MAP3K21: variants seen among roughly 807,000 people sequenced by gnomAD.
MAP3K21 encodes the protein mitogen-activated protein kinase kinase kinase MLK4.
In MAP3K21, 63 loss-of-function variants were observed where a neutral mutation model predicts 86.1. The observed-to-expected ratio is 0.73, with a 90% CI of 0.60 to 0.90. The LOEUF is 0.90. Among genes scored for constraint, MAP3K21 ranks in the 40% least tolerant of loss-of-function variants. MAP3K21 has a pLI of 0.00. For missense variants in MAP3K21, 1,220 were observed against 1,367.7 expected (o/e 0.89, Z 1.70); for synonymous variants, 558 against 564.8 (o/e 0.99, Z 0.17).
At chr1:233,330,884 A>G (rs1662797899) in intron 1 of MAP3K21, among the ~76,000 whole-genome samples, 1 of 152,228 alleles carries the variant, frequency 6.6e-6, no homozygotes, top group South Asian at 2.1e-4. Context: ...GGGTTAATCC[A>G]TAGGATTTAT....
chr1:233,345,063 A>C lies in MAP3K21; in HGVS notation c.806-1379A>C, dbSNP rs894385600. ...TCTCACACCAGTTAGAAGGGCGACC[A>C]TTAAAAAGTCAGGAAACAACAGATG... On this transcript the variant is annotated intron_variant, in intron 1 of 9. Transcript: ENST00000366624. Among the ~76,000 whole-genome samples, 64 of 152,232 alleles carry C rather than the reference A, an allele frequency of 4.2e-4. 1 individual carries two copies. Among genetic ancestry groups the C allele is most frequent in the Admixed American group, 3.6e-3 (55 of 15,290 alleles).
chr1:233,382,783 C>A lies in MAP3K21; in HGVS notation c.*72C>A. On this transcript the variant is annotated 3_prime_UTR_variant, in exon 10 of 10. Transcript: ENST00000366624. ...TGAACACAATGTATCTACCTTTGAA[C>A]TGTTTCATGCTGCTGTGTTTTCAAA... 2 of 1,291,756 alleles carry A rather than the reference C, an allele frequency of 1.5e-6. No homozygotes were observed. Among genetic ancestry groups the A allele is most frequent in the Admixed American group, 2.1e-5 (1 of 48,086 alleles). The allele number at this position is 1,291,756 out of a possible 1,614,324, so 80.0% of individuals were successfully genotyped here.
intron 1 of MAP3K21, among the ~76,000 whole-genome samples, chr1:233,343,264 A>G (rs1240955005): frequency 6.6e-6 from 1 of 152,234 alleles, no homozygotes; most frequent in Non-Finnish European, 1.5e-5. Flanking sequence ...CTTGCTAAAA[A>G]CACTTTCAAA....
chr1:233,364,900 C>A (rs1328229627), intron 5 of MAP3K21, among the ~76,000 whole-genome samples: 1 of 152,068 alleles, frequency 6.6e-6, no homozygotes, highest in Non-Finnish European at 1.5e-5. Flanking sequence ...CAAGATGGCA[C>A]TACATTATCA....
chr1:233,335,071 G>A (rs1240273088), intron 1 of MAP3K21, among the ~76,000 whole-genome samples: 3 of 150,608 alleles, frequency 2.0e-5, no homozygotes, highest in East Asian at 2.0e-4. Context: ...TAGCTTTACC[G>A]TGTCAGGCTG....
chr1:233,379,060 A>C lies in MAP3K21; in HGVS notation c.2054A>C (p.Glu685Ala). 1 of 1,614,208 alleles carries C rather than the reference A, an allele frequency of 6.2e-7. No individual in the cohort carries two copies. The highest frequency in any genetic ancestry group is 1.1e-5 in the South Asian group (1 of 91,088). Residue 685 changes from glutamate (E) to alanine (A), a missense_variant, in exon 9 of 10, where the codon GAA becomes GCA. Transcript: ENST00000366624. ...GATGCTCAGAGAGAGAATCCTGCAG[A>C]AGCTGAAAGCTGGGAGGAGGCAGCC... ...GKDAQRENPA[E>A]AESWEEAASA...
intron 6 of MAP3K21, chr1:233,373,557 G>A (rs1415718291): frequency 6.6e-6 from 1 of 152,280 alleles, no homozygotes; most frequent in Non-Finnish European, 1.5e-5. Context: ...TTCTAATCGA[G>A]ACAGTCCACA....
At chr1:233,378,523 G>T (rs1009393854) in intron 8 of MAP3K21, among the ~76,000 whole-genome samples, 1 of 152,232 alleles carries the variant, frequency 6.6e-6, no homozygotes, top group African/African-American at 2.4e-5. Flanking sequence ...ACACAGGAAA[G>T]CTGTAGATAA....
At chr1:233,343,797 T>G (rs1050756412) in intron 1 of MAP3K21, among the ~76,000 whole-genome samples, 8 of 152,242 alleles carry the variant, frequency 5.3e-5, no homozygotes, top group Non-Finnish European at 1.2e-4. Context: ...GTATGGGTTA[T>G]GTAATTAAAA....
chr1:233,361,978 C>T, intron 4 of MAP3K21, 75 bp from the exon 5 acceptor site: 2 of 1,532,094 alleles, frequency 1.3e-6, no homozygotes, highest in Non-Finnish European at 1.8e-6. Context: ...CGAGGGGTCG[C>T]CAGTGTAGTG....
At chr1:233,355,657 G>A (rs1452342571) in intron 4 of MAP3K21, among the ~76,000 whole-genome samples, 4 of 152,082 alleles carry the variant, frequency 2.6e-5, no homozygotes, top group Non-Finnish European at 4.4e-5. Context: ...CCCGACTCCC[G>A]CTGTGCCTTC....
intron 1 of MAP3K21, among the ~76,000 whole-genome samples, chr1:233,330,966 C>A (rs545408019): frequency 6.6e-6 from 1 of 151,900 alleles, no homozygotes; most frequent in African/African-American, 2.4e-5. Flanking sequence ...GTTTTATAAA[C>A]TTTTATAAAA....
Position 233,376,586 on chromosome 1 carries a change from G to A in MAP3K21, c.1924+59G>A. 3.2e-6 allele frequency: 4 copies of A among 1,242,542 alleles called. No homozygotes were observed. The South Asian group carries it at 3.8e-5, about 12-fold the overall frequency. The allele number at this position is 1,242,542 out of a possible 1,614,324, so 77.0% of individuals were successfully genotyped here. A position where few individuals can be genotyped will look rare whatever the true frequency, so the allele number is the denominator to read the frequency against. On this transcript the variant is annotated intron_variant, in intron 8 of 9. Coordinates refer to ENST00000366624, the MANE Select transcript of MAP3K21 (RefSeq NM_032435.3). Reference sequence around the variant, plus strand: ...GCAGTCCTTGGCATCTGATTGTGCTGAAGCTTTGCTTTTACAGTCTTACGT... The same window carrying A: ...GCAGTCCTTGGCATCTGATTGTGCTAAAGCTTTGCTTTTACAGTCTTACGT...
At chr1:233,339,278 T>TC (rs1662979060) in intron 1 of MAP3K21, among the ~76,000 whole-genome samples, 12 of 108,302 alleles carry the variant, frequency 1.1e-4, no homozygotes, top group African/African-American at 1.7e-4. Flanking sequence ...CTCTTCTTCT[T>TC]CTTCTTCTTC....
At chr1:233,371,580 G>C (rs181210383) in intron 5 of MAP3K21, among the ~76,000 whole-genome samples, 19 of 152,036 alleles carry the variant, frequency 1.2e-4, no homozygotes, top group Admixed American at 1.2e-3. Context: ...GGCTGGTCTC[G>C]AACTTCTAGC....
Position 233,328,194 on chromosome 1 carries a change from G to C in MAP3K21, c.166G>C (p.Glu56Gln). ...TGACTACGAGGCTCGCGGCGAGGAC[G>C]AGCTGAGCCTGCGGCGCGGCCAGCT... The part of the protein sequence containing the change: ...LYDYEARGED[E>Q]LSLRRGQLVE... The change falls in exon 1 of 10, where the codon GAG becomes CAG. Residue 56 changes from glutamate to glutamine, a missense_variant. This residue lies in a region of MAP3K21 where 369 missense variants were observed against 385.3 expected (regional missense o/e 0.96). Transcript: ENST00000366624. This position sits in a 1 kb window ranked among gnomAD's most constrained non-coding sequence, Gnocchi z 8.7. 6.7e-7 allele frequency: 1 copy of C among 1,483,578 alleles called. No individual in the cohort carries two copies. The highest frequency in any genetic ancestry group is 8.9e-7 in the Non-Finnish European group (1 of 1,124,872). 91.9% of individuals were successfully genotyped at this position (1,483,578 alleles called of 1,614,324 possible).
rs58519141 is a variant in MAP3K21, at chr1:233,363,178, G to A, written c.1552+885G>A. On this transcript the variant is annotated intron_variant, in intron 5 of 9. Coordinates refer to ENST00000366624, the MANE Select transcript of MAP3K21 (RefSeq NM_032435.3). ...TATGTCTATGTCTATACCTGCCTAT[G>A]TGTTATATGTATTATATATTAGAGT... Among the ~76,000 whole-genome samples, 888 of 152,078 alleles carry A rather than the reference G, an allele frequency of 5.8e-3. 11 individuals are homozygous for A. The highest frequency in any genetic ancestry group is 0.021 in the African/African-American group (859 of 41,376).
intron 9 of MAP3K21, 145 bp from the exon 10 acceptor site, chr1:233,382,160 A>C: frequency 1.4e-6 from 1 of 715,790 alleles, no homozygotes; most frequent in Non-Finnish European, 2.3e-6. Context: ...TGCTATGATC[A>C]TGCCTGTGAA....
At chr1:233,354,236 G>A (rs1238398682) in intron 3 of MAP3K21, among the ~76,000 whole-genome samples, 1 of 152,122 alleles carries the variant, frequency 6.6e-6, no homozygotes, top group African/African-American at 2.4e-5. Context: ...CATGAGTAGA[G>A]TTCAAATACA....
Sources: gnomAD v4.1 joint callset for allele counts (sites outside exome capture counted in the v4.1 genomes callset) on GRCh38, gnomAD v4.1.1 for gene constraint, gnomAD v4.1.1 regional missense constraint, Gnocchi (gnomAD v3.1) non-coding constraint, MANE v1.5 for transcripts, NCBI Gene and HGNC (gene_info 2026-07-23, HGNC 2026-07-21) for gene names.